Variants in ARID1B observed in about 807,000 individuals in gnomAD.
The protein encoded by ARID1B is AT-rich interaction domain 1B.
Under a neutral mutation model 212.3 loss-of-function variants are expected in ARID1B, and 30 were observed. The observed-to-expected ratio is 0.14, with a 90% CI of 0.11 to 0.19. The LOEUF (loss-of-function observed/expected upper bound fraction) is 0.19. Ranked by LOEUF, ARID1B falls within the 10% of genes least tolerant of loss-of-function variation. ARID1B has a pLI of 1.00. For missense variants in ARID1B, 2,891 were observed against 3,204.0 expected (o/e 0.90, Z 2.36); for synonymous variants, 1,402 against 1,301.7 (o/e 1.08, Z -1.66).
chr6:156,867,180 A>G (rs1209849193), intron 2 of ARID1B, among the ~76,000 whole-genome samples: 1 of 152,230 alleles, frequency 6.6e-6, no homozygotes, highest in African/African-American at 2.4e-5. Context: ...AAAGGGTAGC[A>G]AAGAAAATCA....
chr6:157,161,601 A>G (rs997497857), intron 8 of ARID1B, among the ~76,000 whole-genome samples: 1 of 152,106 alleles, frequency 6.6e-6, no homozygotes, highest in African/African-American at 2.4e-5. Flanking sequence ...TGCTAGATAC[A>G]TGTGTGAGAA....
intron 4 of ARID1B, among the ~76,000 whole-genome samples, chr6:156,988,648 G>A (rs933304896): frequency 6.6e-6 from 1 of 152,184 alleles, no homozygotes; most frequent in African/African-American, 2.4e-5. Flanking sequence ...GAATGCATGT[G>A]CAAGCTTAGG....
intron 1 of ARID1B, among the ~76,000 whole-genome samples, chr6:156,781,829 A>G (rs754962650): frequency 6.6e-6 from 1 of 152,074 alleles, no homozygotes; most frequent in African/African-American, 2.4e-5. Flanking sequence ...ACATCTTCGT[A>G]AACTAGAGAC....
chr6:157,006,364 T>C (rs996652876), intron 4 of ARID1B, among the ~76,000 whole-genome samples: 1 of 152,166 alleles, frequency 6.6e-6, no homozygotes, highest in African/African-American at 2.4e-5. Context: ...ACCTCCCTCC[T>C]GGGGCAACAA....
At chr6:156,928,583 A>G (rs1180010380) in intron 3 of ARID1B, among the ~76,000 whole-genome samples, 1 of 152,152 alleles carries the variant, frequency 6.6e-6, no homozygotes, top group Non-Finnish European at 1.5e-5. Flanking sequence ...GGGAATCACC[A>G]CCAAGCAGGG....
intron 2 of ARID1B, among the ~76,000 whole-genome samples, chr6:156,853,049 C>T (rs530432620): frequency 4.6e-5 from 7 of 152,302 alleles, no homozygotes; most frequent in African/African-American, 1.7e-4. Context: ...TTTGCACATA[C>T]AGTGATCGGT....
At chr6:156,790,833 C>T (rs2115184204) in intron 1 of ARID1B, among the ~76,000 whole-genome samples, 1 of 152,338 alleles carries the variant, frequency 6.6e-6, no homozygotes, top group South Asian at 2.1e-4. Context: ...CTCCTCCACT[C>T]TGATATTGGT....
intron 2 of ARID1B, among the ~76,000 whole-genome samples, chr6:156,831,299 G>A (rs920873916): frequency 6.6e-6 from 1 of 152,256 alleles, no homozygotes; most frequent in Non-Finnish European, 1.5e-5. Context: ...CAGGAAGAGA[G>A]CAGAGGTGGG....
At chr6:156,804,056 C>T (rs748007882) in intron 1 of ARID1B, among the ~76,000 whole-genome samples, 1 of 151,816 alleles carries the variant, frequency 6.6e-6, no homozygotes, top group African/African-American at 2.4e-5. Flanking sequence ...CCCCTCAAGG[C>T]TGGGCATGGT....
At chr6:157,052,135 A>C (rs1782648517) in intron 4 of ARID1B, among the ~76,000 whole-genome samples, 1 of 152,136 alleles carries the variant, frequency 6.6e-6, no homozygotes, top group Non-Finnish European at 1.5e-5. Flanking sequence ...CAATTGTGCT[A>C]TTTTGTCTTG....
At chr6:156,916,376 A>G (rs531261817) in intron 3 of ARID1B, among the ~76,000 whole-genome samples, 8 of 152,264 alleles carry the variant, frequency 5.3e-5, no homozygotes, top group Admixed American at 1.3e-4. Context: ...AGGACATCAG[A>G]GGTTCACACT....
At chr6:156,962,081 C>T (rs1257949995) in intron 4 of ARID1B, among the ~76,000 whole-genome samples, 1 of 152,252 alleles carries the variant, frequency 6.6e-6, no homozygotes, top group Non-Finnish European at 1.5e-5. Flanking sequence ...GGGTGGATCA[C>T]GAGGTCAGGA....
At position 157,210,304 on chromosome 6, in the gene ARID1B, C is replaced by A. The variant is rs1199397971; in HGVS notation, c.*2413C>A. On this transcript the variant is annotated 3_prime_UTR_variant, in exon 20 of 20. Coordinates refer to ENST00000636930, the MANE Select transcript of ARID1B (RefSeq NM_001374828.1). Reference sequence around the variant, plus strand: ...TTGTAAGAGGGAATTCAATATTATTCTAATTTCTCTCTTACAGAGTACAAA... The same window carrying A: ...TTGTAAGAGGGAATTCAATATTATTATAATTTCTCTCTTACAGAGTACAAA... The A allele has an allele frequency of 4.3e-6, 1 of 230,770 alleles. No homozygotes were observed. Among genetic ancestry groups the A allele is most frequent in the Admixed American group, 5.6e-5 (1 of 17,726 alleles). The allele number at this position is 230,770 out of a possible 1,614,324, so 14.3% of individuals were successfully genotyped here.
chr6:156,829,174 G>A (rs2128045285), intron 1 of ARID1B, 53 bp from the exon 2 acceptor site: 2 of 1,455,384 alleles, frequency 1.4e-6, no homozygotes, highest in South Asian at 2.6e-5. Flanking sequence ...ACAAATTTGT[G>A]CCTTTGTAAT....
chr6:157,186,607 A>G lies in ARID1B; in HGVS notation c.3919+2172A>G, dbSNP rs1286074875. 2.2e-5 allele frequency: 10 copies of G among 457,300 alleles called. No homozygotes were observed. In the Admixed American group the frequency reaches 2.4e-4, roughly 11 times the overall value. 28.3% of individuals were successfully genotyped at this position (457,300 alleles called of 1,614,324 possible). On this transcript the variant is annotated intron_variant, in intron 13 of 19. Coordinates refer to ENST00000636930, the MANE Select transcript of ARID1B (RefSeq NM_001374828.1). ...ATTTTTGTTGTTAAAGGAAAATAAA[A>G]TTATTCCCAACTATTGGCCATGTTA...
Position 157,200,311 on chromosome 6 carries a change from G to T in ARID1B, c.4480-394G>T, listed in dbSNP as rs765396556. Among the ~76,000 whole-genome samples the T allele has an allele frequency of 1.3e-5, 2 of 152,104 alleles. No homozygotes were observed. The highest frequency in any genetic ancestry group is 2.9e-5 in the Non-Finnish European group (2 of 68,010). ...CCCTTTTACCCCAAGACCCTTTCAGGCCGGCCCCTGGATGCTGGCTTTCCT... is the reference window on the plus strand; with the variant it reads ...CCCTTTTACCCCAAGACCCTTTCAGTCCGGCCCCTGGATGCTGGCTTTCCT... On this transcript the variant is annotated intron_variant, in intron 17 of 19. Coordinates refer to ENST00000636930, the MANE Select transcript of ARID1B (RefSeq NM_001374828.1). The surrounding 1 kb of genome is among the most constrained non-coding windows in gnomAD (Gnocchi z 4.3).
intron 1 of ARID1B, among the ~76,000 whole-genome samples, chr6:156,808,176 C>T (rs1041899028): frequency 5.9e-5 from 9 of 152,124 alleles, no homozygotes; most frequent in South Asian, 2.1e-4. Context: ...GAGATGAGAG[C>T]GTTTCCTATT....
intron 2 of ARID1B, among the ~76,000 whole-genome samples, chr6:156,859,561 G>C (rs753204637): frequency 2.0e-5 from 3 of 152,126 alleles, no homozygotes; most frequent in Non-Finnish European, 2.9e-5. Flanking sequence ...TTACAGGTGT[G>C]CTGTAGTGCA....
At chr6:157,106,769 C>T (rs1434735002) in intron 5 of ARID1B, among the ~76,000 whole-genome samples, 2 of 152,000 alleles carry the variant, frequency 1.3e-5, no homozygotes, top group Non-Finnish European at 1.5e-5. Flanking sequence ...GGAGGTTACT[C>T]GAGGGTGTGT....
Sources: allele counts gnomAD v4.1 joint callset (sites outside exome capture counted in the v4.1 genomes callset), GRCh38; gene constraint gnomAD v4.1.1; non-coding constraint Gnocchi (gnomAD v3.1); transcripts MANE v1.5; gene names NCBI Gene and HGNC (gene_info 2026-07-23, HGNC 2026-07-21).